The following NDST3 variants were observed in gnomAD, a reference collection of about 807,000 sequenced individuals.
NDST3 encodes bifunctional heparan sulfate N-deacetylase/N-sulfotransferase 3.
In NDST3, 58 loss-of-function variants were observed where a neutral mutation model predicts 96.1. That is an observed-to-expected ratio of 0.60 (90% confidence interval 0.49 to 0.75). The LOEUF is 0.75. Among genes scored for constraint, NDST3 ranks in the 30% least tolerant of loss-of-function variants. The pLI, the probability that NDST3 is intolerant of heterozygous loss-of-function variation, is 0.00. For missense variants in NDST3, 788 were observed against 1,034.2 expected (o/e 0.76, Z 3.27); for synonymous variants, 333 against 359.7 (o/e 0.93, Z 0.84).
chr4:118,099,659 A>C (rs1201088381), intron 2 of NDST3, among the ~76,000 whole-genome samples: 1 of 152,002 alleles, frequency 6.6e-6, no homozygotes, highest in Non-Finnish European at 1.5e-5. Context: ...TCTTTCCTGC[A>C]TTCTTTCTTA....
At chr4:118,053,705 C>G (rs547772997) in intron 1 of NDST3, 51 bp from the exon 2 acceptor site, 3 of 510,048 alleles carry the variant, frequency 5.9e-6, no homozygotes, top group African/African-American at 3.9e-5. Context: ...TAAAAACTTG[C>G]TTATTTTAAT....
intron 6 of NDST3, among the ~76,000 whole-genome samples, chr4:118,163,160 A>C (rs1483473525): frequency 4.6e-5 from 7 of 152,262 alleles, no homozygotes; most frequent in African/African-American, 1.4e-4. Flanking sequence ...GTGGGACTGT[A>C]AACTAGTTCA....
At chr4:118,173,626 T>A (rs1332212064) in intron 6 of NDST3, among the ~76,000 whole-genome samples, 1 of 152,170 alleles carries the variant, frequency 6.6e-6, no homozygotes, top group Non-Finnish European at 1.5e-5. Context: ...TGGAACTATT[T>A]TATGACAGAA....
chr4:118,146,031 T>C (rs1249059884), intron 6 of NDST3, among the ~76,000 whole-genome samples: 1 of 152,226 alleles, frequency 6.6e-6, no homozygotes, highest in Non-Finnish European at 1.5e-5. Context: ...TAAGGAGTAG[T>C]GGCATGTTTC....
At chr4:118,043,462 G>A (rs182570616) in intron 1 of NDST3, among the ~76,000 whole-genome samples, 21 of 152,332 alleles carry the variant, frequency 1.4e-4, no homozygotes, top group Admixed American at 4.6e-4. Flanking sequence ...ATGGCAATAA[G>A]TACAAAGGAG....
At position 118,124,493 on chromosome 4, in the gene NDST3, G is replaced by A. The variant is rs147566196; in HGVS notation, c.1224+9533G>A. Among the ~76,000 whole-genome samples, 440 of 152,160 alleles carry A rather than the reference G, an allele frequency of 2.9e-3. 2 individuals carry two copies. Among genetic ancestry groups the A allele is most frequent in the African/African-American group, 9.9e-3 (413 of 41,532 alleles). On this transcript the variant is annotated intron_variant, in intron 4 of 13. Transcript: ENST00000296499. ...CTTACTTGGCAAATGAGGGAATTGA[G>A]GCACGGTGAATTTGCATAACCTGCT...
chr4:118,038,102 G>A (rs776261066), intron 1 of NDST3, among the ~76,000 whole-genome samples: 1 of 152,120 alleles, frequency 6.6e-6, no homozygotes, highest in Non-Finnish European at 1.5e-5. Context: ...TGAGTCTAAT[G>A]AAGGACAAAG....
intron 12 of NDST3, among the ~76,000 whole-genome samples, chr4:118,243,739 AAAG>A (rs1177791394): frequency 2.6e-5 from 4 of 152,184 alleles, no homozygotes; most frequent in Admixed American, 6.5e-5. Context: ...TTTCAGAAAA[AAAG>A]AAGTACAGTA....
At position 118,187,124 on chromosome 4, in the gene NDST3, T is replaced by C. The variant is rs144368899; in HGVS notation, c.1540-37367T>C. Among the ~76,000 whole-genome samples the C allele has an allele frequency of 9.3e-3, 1,422 of 152,328 alleles. 26 individuals carry two copies. Among genetic ancestry groups the C allele is most frequent in the Middle Eastern group, 0.082 (24 of 294 alleles). Reference sequence around the variant, plus strand: ...CTACTCATTTCAACCAGGTAGCCTGTTCATTAATCCCCTAGAAATGAATCT... The same window carrying C: ...CTACTCATTTCAACCAGGTAGCCTGCTCATTAATCCCCTAGAAATGAATCT... On this transcript the variant is annotated intron_variant, in intron 6 of 13. Coordinates refer to ENST00000296499, the MANE Select transcript of NDST3 (RefSeq NM_004784.3).
chr4:118,183,295 A>G (rs998286890), intron 6 of NDST3, among the ~76,000 whole-genome samples: 1 of 152,204 alleles, frequency 6.6e-6, no homozygotes, highest in Non-Finnish European at 1.5e-5. Context: ...CACCAGAACT[A>G]TAGGAATAAT....
intron 2 of NDST3, among the ~76,000 whole-genome samples, chr4:118,098,487 T>G (rs565641789): frequency 6.6e-6 from 1 of 152,154 alleles, no homozygotes; most frequent in Admixed American, 6.6e-5. Flanking sequence ...TAGCACTTAC[T>G]TAATAGTTTT....
At chr4:118,246,542 G>A (rs1037012905) in intron 12 of NDST3, among the ~76,000 whole-genome samples, 2 of 152,100 alleles carry the variant, frequency 1.3e-5, no homozygotes, top group African/African-American at 4.8e-5. Context: ...AGAGGCGGAG[G>A]TTGCAGTGAG....
intron 2 of NDST3, among the ~76,000 whole-genome samples, chr4:118,061,696 T>C (rs986289324): frequency 3.3e-5 from 5 of 152,184 alleles, no homozygotes; most frequent in African/African-American, 1.2e-4. Context: ...TGTTCACGGA[T>C]GTATCTCCAG....
chr4:118,075,434 A>G (rs1365930698), intron 2 of NDST3, among the ~76,000 whole-genome samples: 1 of 152,178 alleles, frequency 6.6e-6, no homozygotes, highest in Non-Finnish European at 1.5e-5. Flanking sequence ...GGCTGGGTCA[A>G]ATGATATTTC....
At chr4:118,251,884 GA>G (rs573351003) in intron 12 of NDST3, among the ~76,000 whole-genome samples, 39 of 152,148 alleles carry the variant, frequency 2.6e-4, no homozygotes, top group Non-Finnish European at 4.9e-4. Context: ...AATTTGGAGA[GA>G]CTTGGTATTT....
intron 2 of NDST3, among the ~76,000 whole-genome samples, chr4:118,086,737 G>A (rs1040952228): frequency 3.3e-5 from 5 of 152,082 alleles, no homozygotes; most frequent in Non-Finnish European, 7.4e-5. Flanking sequence ...GCTTTCATCG[G>A]TTTGGGTAAG....
chr4:118,104,509 T>G (rs1456690566), intron 2 of NDST3, among the ~76,000 whole-genome samples: 1 of 152,190 alleles, frequency 6.6e-6, no homozygotes, highest in Non-Finnish European at 1.5e-5. Context: ...AAGGGCAAAT[T>G]AGAGATCTAC....
chr4:118,062,638 A>G (rs1725988214), intron 2 of NDST3, among the ~76,000 whole-genome samples: 1 of 151,902 alleles, frequency 6.6e-6, no homozygotes, highest in African/African-American at 2.4e-5. Context: ...ATAATTTTAT[A>G]ATTTAACATG....
At chr4:118,093,244 C>T (rs1729025910) in intron 2 of NDST3, among the ~76,000 whole-genome samples, 1 of 151,802 alleles carries the variant, frequency 6.6e-6, no homozygotes, top group South Asian at 2.1e-4. Context: ...ATGTTTATCG[C>T]TTCACAGAAT....
Sources: allele counts gnomAD v4.1 joint callset (sites outside exome capture counted in the v4.1 genomes callset), GRCh38; gene constraint gnomAD v4.1.1; transcripts MANE v1.5; gene names NCBI Gene and HGNC (gene_info 2026-07-23, HGNC 2026-07-21).